PABPC4L: variants seen among roughly 807,000 people sequenced by gnomAD.
PABPC4L encodes the protein poly(A) binding protein cytoplasmic 4 like, also known as polyadenylate-binding protein 4-like.
For synonymous variants in PABPC4L, 169 were observed against 164.1 expected (o/e 1.03, Z -0.23); for missense variants, 452 against 451.4 (o/e 1.00, Z -0.01).
At chr4:134,115,238 G>A in the PABPC4L span, among the ~76,000 whole-genome samples, 367 of 151,946 alleles carry the variant, frequency 2.4e-3, 9 homozygotes, top group East Asian at 0.067. Flanking sequence ...GACAATAGGC[G>A]AGGCACTGTC....
intron 1 of PABPC4L, 97 bp from the exon 2 acceptor site, chr4:134,201,342 A>G: frequency 8.1e-7 from 1 of 1,241,742 alleles, no homozygotes; most frequent in South Asian, 1.5e-5. Flanking sequence ...CCATCTGAGC[A>G]TTCTCCACAG....
At chr4:134,057,119 G>A in the PABPC4L span, among the ~76,000 whole-genome samples, 2 of 151,924 alleles carry the variant, frequency 1.3e-5, no homozygotes, top group East Asian at 3.9e-4. Context: ...GTGTTATTTT[G>A]TGTGTGTACA....
At chr4:134,189,202 T>C in the PABPC4L span, among the ~76,000 whole-genome samples, 1 of 152,136 alleles carries the variant, frequency 6.6e-6, no homozygotes, top group Admixed American at 6.6e-5. Context: ...GCATATTGTC[T>C]ACTTTTTCCA....
the PABPC4L span, among the ~76,000 whole-genome samples, chr4:134,160,574 A>G: frequency 1.3e-5 from 2 of 152,198 alleles, no homozygotes; most frequent in Non-Finnish European, 2.9e-5. Flanking sequence ...ATAAATGTCC[A>G]CAAGCATCAA....
At chr4:134,062,641 C>A in the PABPC4L span, among the ~76,000 whole-genome samples, 3 of 152,020 alleles carry the variant, frequency 2.0e-5, no homozygotes, top group African/African-American at 4.8e-5. Context: ...TTAATTAAAA[C>A]TTAGGCTTAC....
At chr4:134,129,072 G>C in the PABPC4L span, among the ~76,000 whole-genome samples, 1 of 151,954 alleles carries the variant, frequency 6.6e-6, no homozygotes, top group Non-Finnish European at 1.5e-5. Flanking sequence ...AGTTAAAAAG[G>C]ACAAAACGGA....
chr4:134,051,059 T>C, the PABPC4L span, among the ~76,000 whole-genome samples: 1 of 152,138 alleles, frequency 6.6e-6, no homozygotes, highest in South Asian at 2.1e-4. Context: ...AGTCTCTAAT[T>C]ATTAAAGGTT....
At chr4:134,152,976 G>A in the PABPC4L span, among the ~76,000 whole-genome samples, 1 of 151,932 alleles carries the variant, frequency 6.6e-6, no homozygotes, top group Non-Finnish European at 1.5e-5. Context: ...TTAACAACAA[G>A]CTCTGGAAGG....
chr4:134,147,790 T>C, the PABPC4L span, among the ~76,000 whole-genome samples: 1 of 151,452 alleles, frequency 6.6e-6, no homozygotes, highest in Non-Finnish European at 1.5e-5. Flanking sequence ...GAAGAAGATG[T>C]TAAAATAAGT....
At chr4:134,177,333 G>A in the PABPC4L span, among the ~76,000 whole-genome samples, 1 of 151,804 alleles carries the variant, frequency 6.6e-6, no homozygotes. Context: ...ATGCCACCAT[G>A]CCCAACTAAT....
At chr4:133,995,113 C>G in the PABPC4L span, among the ~76,000 whole-genome samples, 3 of 152,166 alleles carry the variant, frequency 2.0e-5, no homozygotes, top group Non-Finnish European at 2.9e-5. Context: ...TGGGGCCAGC[C>G]CCTCATGAAG....
the PABPC4L span, among the ~76,000 whole-genome samples, chr4:134,052,333 C>CAAGGA: frequency 6.6e-6 from 1 of 151,924 alleles, no homozygotes; most frequent in Non-Finnish European, 1.5e-5. Flanking sequence ...CAAATTTGTA[C>CAAGGA]AAGGTTTAAA....
chr4:133,996,871 C>A, the PABPC4L span, among the ~76,000 whole-genome samples: 348 of 145,412 alleles, frequency 2.4e-3, no homozygotes, highest in African/African-American at 8.6e-3. Context: ...ACATTGTCGA[C>A]CCCCTAGTAG....
At chr4:134,089,029 T>A in the PABPC4L span, among the ~76,000 whole-genome samples, 2 of 152,098 alleles carry the variant, frequency 1.3e-5, no homozygotes, top group Non-Finnish European at 2.9e-5. Flanking sequence ...ATCTTCTTGC[T>A]TTAAAAGATG....
the PABPC4L span, among the ~76,000 whole-genome samples, chr4:134,177,841 C>A: frequency 6.6e-5 from 10 of 151,946 alleles, no homozygotes; most frequent in Non-Finnish European, 1.5e-4. Context: ...TCCTGTTGTC[C>A]CAGGAAACAC....
the PABPC4L span, among the ~76,000 whole-genome samples, chr4:134,043,195 T>C: frequency 6.6e-6 from 1 of 152,160 alleles, no homozygotes; most frequent in South Asian, 2.1e-4. Flanking sequence ...TTTGTTATTT[T>C]ATTAAATTAT....
the PABPC4L span, among the ~76,000 whole-genome samples, chr4:134,118,639 A>G: frequency 6.6e-6 from 1 of 151,654 alleles, no homozygotes; most frequent in Non-Finnish European, 1.5e-5. Flanking sequence ...CTTATTGCTG[A>G]TATTTTATAT....
the PABPC4L span, among the ~76,000 whole-genome samples, chr4:134,132,189 T>A: frequency 6.6e-6 from 1 of 151,720 alleles, no homozygotes; most frequent in African/African-American, 2.4e-5. Context: ...CAAAAGCAAA[T>A]TAAACAGAAA....
chr4:134,156,788 A>G, the PABPC4L span, among the ~76,000 whole-genome samples: 700 of 151,924 alleles, frequency 4.6e-3, 9 homozygotes, highest in African/African-American at 0.015. Flanking sequence ...CTGGAGAGAA[A>G]AGAAATCAAC....
Sources: gnomAD v4.1 joint callset for allele counts (sites outside exome capture counted in the v4.1 genomes callset) on GRCh38, gnomAD v4.1.1 for gene constraint, MANE v1.5 for transcripts, NCBI Gene and HGNC (gene_info 2026-07-23, HGNC 2026-07-21) for gene names.